The following SCPEP1 variants were observed in gnomAD, a reference collection of about 807,000 sequenced individuals.
SCPEP1 encodes the protein retinoid-inducible serine carboxypeptidase.
Under a neutral mutation model 63.8 loss-of-function variants are expected in SCPEP1, and 51 were observed. That is an observed-to-expected ratio of 0.80 (90% CI 0.64 to 1.01). The LOEUF (loss-of-function observed/expected upper bound fraction) is 1.01, where lower values mean the gene tolerates loss of function less well. Among genes scored for constraint, SCPEP1 ranks in the 50% least tolerant of loss-of-function variants. SCPEP1 has a pLI of 0.00. For synonymous variants in SCPEP1, 204 were observed against 207.8 expected (o/e 0.98, Z 0.16); for missense variants, 499 against 554.9 (o/e 0.90, Z 1.01).
At chr17:56,988,313 T>A in intron 5 of SCPEP1, 23 bp downstream of exon 5, 1 of 1,582,688 alleles carries the variant, frequency 6.3e-7, no homozygotes, top group East Asian at 2.2e-5. Flanking sequence ...AACTTTGTTG[T>A]TATGGTTTTG....
rs186493033 is a variant in SCPEP1, at chr17:56,989,713, G to A, written c.547-1386G>A. On this transcript the variant is annotated intron_variant, in intron 5 of 12. Coordinates refer to ENST00000262288, the MANE Select transcript of SCPEP1 (RefSeq NM_021626.3). ...TGTAATCCCAGCACTTTGGGAGGCC[G>A]AGGCCGGCAGATCGCTTGAGGTTAG... is the stretch of plus-strand genomic sequence containing the variant. 2.3e-3 allele frequency among the ~76,000 whole-genome samples: 344 copies of A among 152,302 alleles called. 1 individual carries two copies. Among genetic ancestry groups the A allele is most frequent in the African/African-American group, 7.9e-3 (327 of 41,572 alleles).
At chr17:57,002,206 C>T in intron 12 of SCPEP1, 25 bp downstream of exon 12, 2 of 1,608,784 alleles carry the variant, frequency 1.2e-6, no homozygotes, top group Non-Finnish European at 1.7e-6. Context: ...TTGTTCCAGA[C>T]TTAAAAATCA....
chr17:56,983,685 G>A (rs896830196), intron 2 of SCPEP1: 7 of 152,182 alleles, frequency 4.6e-5, no homozygotes, highest in Admixed American at 6.5e-5. Flanking sequence ...AGATACAAAG[G>A]GCATATGATC....
Position 56,994,986 on chromosome 17 carries a change from G to T in SCPEP1, c.625G>T (p.Val209Leu). Reference protein sequence around the residue: ...GDSWISPVDSVLSWGPYLYSM... With the variant: ...GDSWISPVDSLLSWGPYLYSM... ...ACATATGTGATTTCCTTTAGATTCG[G>T]TGCTCTCCTGGGGACCTTACCTGTA... The change falls in exon 7 of 13, where the codon GTG becomes TTG. Residue 209 changes from valine (V) to leucine (L), a missense_variant. Val to Leu is a conservative substitution (Grantham distance 32). Coordinates refer to ENST00000262288, the MANE Select transcript of SCPEP1 (RefSeq NM_021626.3). 1.2e-6 allele frequency: 2 copies of T among 1,613,294 alleles called. No homozygotes were observed. The highest frequency in any genetic ancestry group is 1.7e-6 in the Non-Finnish European group (2 of 1,179,330).
intron 12 of SCPEP1, among the ~76,000 whole-genome samples, chr17:57,003,912 A>G (rs1911811905): frequency 6.6e-6 from 1 of 152,122 alleles, no homozygotes; most frequent in African/African-American, 2.4e-5. Flanking sequence ...AAGACACTTA[A>G]TCTAGGCTGG....
chr17:56,981,376 A>C, intron 2 of SCPEP1, 146 bp downstream of exon 2: 1 of 791,726 alleles, frequency 1.3e-6, no homozygotes, highest in South Asian at 1.7e-5. Context: ...CTTCTGAGGT[A>C]GGCTGAGGCA....
chr17:56,986,780 C>T (rs1911233579), intron 3 of SCPEP1, among the ~76,000 whole-genome samples: 1 of 151,972 alleles, frequency 6.6e-6, no homozygotes, highest in South Asian at 2.1e-4. Context: ...CTCCTGACCT[C>T]GTGATCCTCC....
intron 12 of SCPEP1, among the ~76,000 whole-genome samples, chr17:57,003,529 C>T (rs1201395900): frequency 6.6e-6 from 1 of 152,108 alleles, no homozygotes; most frequent in African/African-American, 2.4e-5. Flanking sequence ...GTTTCTGCTC[C>T]AGCATTGTGG....
intron 10 of SCPEP1, 33 bp downstream of exon 10, chr17:56,998,531 A>G (rs1325821834): frequency 6.6e-7 from 1 of 1,513,070 alleles, no homozygotes; most frequent in African/African-American, 1.4e-5. Flanking sequence ...TGCCGTTTGT[A>G]CAGTTATGGG....
chr17:56,992,425 G>A (rs1394088160), intron 6 of SCPEP1, among the ~76,000 whole-genome samples: 1 of 151,888 alleles, frequency 6.6e-6, no homozygotes, highest in African/African-American at 2.4e-5. Flanking sequence ...AAGCATGAGA[G>A]TTTCTTGTCA....
chr17:56,982,663 C>T lies in SCPEP1; in HGVS notation c.225+1433C>T, dbSNP rs556583576. 7.2e-5 allele frequency: 11 copies of T among 152,282 alleles called. No individual in the cohort carries two copies. The East Asian group carries it at 2.1e-3, about 29-fold the overall frequency. The allele number at this position is 152,282 out of a possible 1,614,324, so 9.4% of individuals were successfully genotyped here. ...TGCCACTTAGAGCCATGGCAAGATA[C>T]TTCCTCCTCTGGGCCTTGGCTGTCT... On this transcript the variant is annotated intron_variant, in intron 2 of 12. Coordinates refer to ENST00000262288, the MANE Select transcript of SCPEP1 (RefSeq NM_021626.3).
chr17:56,989,467 T>C (rs1748163443), intron 5 of SCPEP1, among the ~76,000 whole-genome samples: 1 of 152,370 alleles, frequency 6.6e-6, no homozygotes, highest in Admixed American at 6.5e-5. Flanking sequence ...TTTAAAGATA[T>C]GTGTCATTTC....
Position 56,995,522 on chromosome 17 carries a change from A to G in SCPEP1, c.673A>G (p.Lys225Glu), listed in dbSNP as rs761015456. 1 of 1,613,136 alleles carries G rather than the reference A, an allele frequency of 6.2e-7. No homozygotes were observed. Among genetic ancestry groups the G allele is most frequent in the Non-Finnish European group, 8.5e-7 (1 of 1,179,722 alleles). ...TGCATTCCAGTCTCTTCTCGAAGAC[A>G]AAGGTCTGGCAGAGGTGTCTAAGGT... ...YLYSMSLLED[K>E]GLAEVSKVAE... The change falls in exon 8 of 13, where the codon AAA becomes GAA. Residue 225 changes from lysine (K) to glutamate (E), a missense_variant. Coordinates refer to ENST00000262288, the MANE Select transcript of SCPEP1 (RefSeq NM_021626.3).
intron 3 of SCPEP1, chr17:56,987,438 G>T (rs2287000): frequency 6.5e-6 from 2 of 307,204 alleles, no homozygotes; most frequent in Non-Finnish European, 6.0e-6. Context: ...TGATCCCCGT[G>T]TGTGTTAATC....
At chr17:56,990,289 T>G (rs1911353550) in intron 5 of SCPEP1, among the ~76,000 whole-genome samples, 1 of 152,216 alleles carries the variant, frequency 6.6e-6, no homozygotes, top group Non-Finnish European at 1.5e-5. Flanking sequence ...GTAAAAGACT[T>G]TCACATTTCC....
At chr17:57,002,661 A>T (rs1205408488) in intron 12 of SCPEP1, among the ~76,000 whole-genome samples, 1 of 152,004 alleles carries the variant, frequency 6.6e-6, no homozygotes, top group Admixed American at 6.6e-5. Context: ...GAGCCGAGAT[A>T]GCACCACTGC....
intron 9 of SCPEP1, 76 bp from the exon 10 acceptor site, chr17:56,998,309 C>CAAAAA: frequency 1.3e-6 from 1 of 748,636 alleles, no homozygotes; most frequent in Non-Finnish European, 2.1e-6. Context: ...GATTCTGTCT[C>CAAAAA]AAAAAAAAAA....
intron 2 of SCPEP1, chr17:56,983,009 A>T (rs752889938): frequency 9.2e-5 from 14 of 152,210 alleles, no homozygotes; most frequent in Non-Finnish European, 5.9e-5. Context: ...AATCGAAGTC[A>T]TGTCTTCTGA....
At chr17:57,001,879 A>T in intron 11 of SCPEP1, 139 bp from the exon 12 acceptor site, 1 of 881,382 alleles carries the variant, frequency 1.1e-6, no homozygotes, top group Non-Finnish European at 1.7e-6. Flanking sequence ...CTTCTGAATC[A>T]GAATTTGCAT....
Sources: allele counts gnomAD v4.1 joint callset (sites outside exome capture counted in the v4.1 genomes callset), GRCh38; gene constraint gnomAD v4.1.1; transcripts MANE v1.5; gene names NCBI Gene and HGNC (gene_info 2026-07-23, HGNC 2026-07-21).